Variants in SRGAP3 observed in about 807,000 individuals in gnomAD.
SRGAP3 encodes the protein SLIT-ROBO Rho GTPase-activating protein 3.
In SRGAP3, 39 loss-of-function variants were observed where a neutral mutation model predicts 121.1. The ratio of observed to expected loss-of-function variants is 0.32; its 90% confidence interval spans 0.25 to 0.42. The LOEUF (loss-of-function observed/expected upper bound fraction) is 0.42, where lower values mean the gene tolerates loss of function less well. Among genes scored for constraint, SRGAP3 ranks in the 10% least tolerant of loss-of-function variants. The pLI is 1.00. For missense variants in SRGAP3, 1,213 were observed against 1,470.6 expected (o/e 0.82, Z 2.86); for synonymous variants, 601 against 570.0 (o/e 1.05, Z -0.77).
chr3:9,259,802 T>C (rs1954214893), intron 3 of SRGAP3, among the ~76,000 whole-genome samples: 1 of 146,940 alleles, frequency 6.8e-6, no homozygotes, highest in Non-Finnish European at 1.5e-5. Context: ...ATTCAATTTT[T>C]AGGTTGGCTT....
intron 12 of SRGAP3, among the ~76,000 whole-genome samples, chr3:9,030,696 TAACTC>T (rs1284216274): frequency 1.3e-5 from 2 of 152,198 alleles, no homozygotes; most frequent in African/African-American, 2.4e-5. Flanking sequence ...CGAAAATACT[TAACTC>T]AACAGAATAT....
Position 9,145,164 on chromosome 3 carries a change from T to C in SRGAP3, c.68-20247A>G, listed in dbSNP as rs371604870. 2.6e-5 allele frequency among the ~76,000 whole-genome samples: 4 copies of C among 152,266 alleles called. No individual in the cohort carries two copies. In the East Asian group the frequency reaches 5.8e-4, roughly 22 times the overall value. On this transcript the variant is annotated intron_variant, in intron 1 of 21. Transcript: ENST00000383836. Reference sequence around the variant, plus strand: ...AGGATGGAGTGCAGTGGCGTGATCTTGGCTCACTGCAACCTCCACCTCCCA... The same window carrying C: ...AGGATGGAGTGCAGTGGCGTGATCTCGGCTCACTGCAACCTCCACCTCCCA...
intron 1 of SRGAP3, among the ~76,000 whole-genome samples, chr3:9,149,958 G>A (rs926325714): frequency 4.6e-5 from 7 of 152,224 alleles, no homozygotes; most frequent in Middle Eastern, 3.4e-3. Flanking sequence ...TGCCCCCGAC[G>A]TGTCCAATAC....
At chr3:9,302,668 T>C (rs1955082803) in intron 3 of SRGAP3, among the ~76,000 whole-genome samples, 1 of 152,230 alleles carries the variant, frequency 6.6e-6, no homozygotes, top group African/African-American at 2.4e-5. Flanking sequence ...AAACCCCTGC[T>C]GGCTGTAGAA....
At chr3:9,053,295 C>T in intron 8 of SRGAP3, 71 bp from the exon 9 acceptor site, 2 of 1,455,500 alleles carry the variant, frequency 1.4e-6, no homozygotes, top group Non-Finnish European at 1.9e-6. Flanking sequence ...AGTCCCTTTC[C>T]CAGCTGTCAC....
intron 1 of SRGAP3, among the ~76,000 whole-genome samples, chr3:9,359,097 TA>T (rs1256774508): frequency 2.6e-5 from 4 of 152,114 alleles, no homozygotes; most frequent in African/African-American, 9.7e-5. Flanking sequence ...AAATTCTATT[TA>T]GGGGCAATAA....
At chr3:9,247,313 CGTAA>C (rs139866965) in intron 1 of SRGAP3, among the ~76,000 whole-genome samples, 1,741 of 152,246 alleles carry the variant, frequency 0.011, 17 homozygotes, top group African/African-American at 0.024. Context: ...GCTGAGACAT[CGTAA>C]GTCACTGTTT....
chr3:9,158,040 G>A (rs192662968), intron 1 of SRGAP3, among the ~76,000 whole-genome samples: 1 of 152,320 alleles, frequency 6.6e-6, no homozygotes, highest in African/African-American at 2.4e-5. Flanking sequence ...TTATCAAGAA[G>A]TACTGCCCCT....
chr3:9,080,137 A>T (rs764891268), intron 3 of SRGAP3, 50 bp from the exon 4 acceptor site: 1 of 1,592,488 alleles, frequency 6.3e-7, no homozygotes, highest in South Asian at 1.1e-5. Flanking sequence ...TGCTGGCTAC[A>T]TTTACCAATC....
Position 9,117,635 on chromosome 3 carries a change from G to C in SRGAP3, c.260+7090C>G, listed in dbSNP as rs2124956101. 1.3e-5 allele frequency among the ~76,000 whole-genome samples: 2 copies of C among 152,228 alleles called. 1 individual carries two copies. The highest frequency in any genetic ancestry group is 4.2e-4 in the South Asian group (2 of 4,810). On this transcript the variant is annotated intron_variant, in intron 2 of 21. Coordinates refer to ENST00000383836, the MANE Select transcript of SRGAP3 (RefSeq NM_014850.4). ...CCCTCTGCATGGAGCATTTTCATCAGGTACAGCTCCTGGAAGGTGAGGGGT... is the reference window on the plus strand; with the variant it reads ...CCCTCTGCATGGAGCATTTTCATCACGTACAGCTCCTGGAAGGTGAGGGGT...
At chr3:9,134,903 C>A (rs1259948865) in intron 1 of SRGAP3, among the ~76,000 whole-genome samples, 1 of 152,162 alleles carries the variant, frequency 6.6e-6, no homozygotes, top group Non-Finnish European at 1.5e-5. Flanking sequence ...CCTGGCCCTG[C>A]CACATGCTCA....
At chr3:9,250,306 G>C (rs1385358518), upstream of SRGAP3, among the ~76,000 whole-genome samples, 2 of 152,142 alleles carry the variant, frequency 1.3e-5, no homozygotes, top group Admixed American at 1.3e-4. Flanking sequence ...GATCAGAACT[G>C]GCACACACAA....
At chr3:9,128,712 T>C (rs1306299704) in intron 1 of SRGAP3, among the ~76,000 whole-genome samples, 2 of 152,228 alleles carry the variant, frequency 1.3e-5, no homozygotes, top group South Asian at 2.1e-4. Flanking sequence ...AAGAATAGAA[T>C]GGATTTTTTG....
At chr3:8,999,079 C>A (rs1942590689) in intron 18 of SRGAP3, among the ~76,000 whole-genome samples, 1 of 152,212 alleles carries the variant, frequency 6.6e-6, no homozygotes, top group Non-Finnish European at 1.5e-5. Context: ...CAATTCAACT[C>A]CTGTGTATTG....
intron 1 of SRGAP3, among the ~76,000 whole-genome samples, chr3:9,357,389 G>C (rs537023414): frequency 5.2e-4 from 79 of 152,060 alleles, no homozygotes; most frequent in African/African-American, 1.9e-3. Context: ...AAGACATGTG[G>C]TCTTTCGTGT....
intron 1 of SRGAP3, among the ~76,000 whole-genome samples, chr3:9,214,947 A>C (rs1952565781): frequency 6.6e-6 from 1 of 152,138 alleles, no homozygotes; most frequent in Non-Finnish European, 1.5e-5. Flanking sequence ...CAATCTTCTG[A>C]GTCCTGGTTC....
At chr3:9,063,577 G>A (rs1402687397) in intron 5 of SRGAP3, among the ~76,000 whole-genome samples, 3 of 151,466 alleles carry the variant, frequency 2.0e-5, no homozygotes, top group African/African-American at 7.3e-5. Flanking sequence ...GGGCTCAAAC[G>A]ATCCTCCCGC....
intron 1 of SRGAP3, among the ~76,000 whole-genome samples, chr3:9,243,431 T>G (rs1324891820): frequency 6.6e-6 from 1 of 151,870 alleles, no homozygotes; most frequent in African/African-American, 2.4e-5. Flanking sequence ...GGTCAGGAGT[T>G]CAAGACCAGT....
At chr3:9,280,108 C>T (rs1199190013) in intron 3 of SRGAP3, among the ~76,000 whole-genome samples, 1 of 152,186 alleles carries the variant, frequency 6.6e-6, no homozygotes, top group East Asian at 1.9e-4. Flanking sequence ...GGATGAAAAG[C>T]TTGTAAACAC....
Sources: gnomAD v4.1 joint callset for allele counts (sites outside exome capture counted in the v4.1 genomes callset) on GRCh38, gnomAD v4.1.1 for gene constraint, MANE v1.5 for transcripts, NCBI Gene and HGNC (gene_info 2026-07-23, HGNC 2026-07-21) for gene names.